Variants in IPO9 observed in about 807,000 individuals in gnomAD.
IPO9 encodes importin-9.
IPO9 carries 28 observed loss-of-function variants against 128.6 expected under a neutral mutation model. The ratio of observed to expected loss-of-function variants is 0.22; its 90% CI spans 0.16 to 0.30. The LOEUF (loss-of-function observed/expected upper bound fraction) is 0.30. IPO9 is among the 10% of genes least tolerant of loss of function. The pLI is 1.00. For synonymous variants in IPO9, 455 were observed against 475.8 expected (o/e 0.96, Z 0.57); for missense variants, 935 against 1,293.9 (o/e 0.72, Z 4.26).
chr1:201,866,827 T>C lies in IPO9; in HGVS notation c.1723T>C (p.Phe575Leu), dbSNP rs1558223667. 1 of 1,614,192 alleles carries C rather than the reference T, an allele frequency of 6.2e-7. No homozygotes were observed. The highest frequency in any genetic ancestry group is 8.5e-7 in the Non-Finnish European group (1 of 1,180,046). ...TGGCTTAATTCACCTAGCAGCCCAG[T>C]TCAGCTCAGAGGTCCTCAACCTGGT... is the stretch of plus-strand genomic sequence containing the variant. ...LDGLIHLAAQ[F>L]SSEVLNLVME... The change falls in exon 15 of 24, where the codon TTC (phenylalanine) becomes CTC (leucine). Residue 575 changes from phenylalanine (F) to leucine (L), a missense_variant. Phe to Leu is a conservative substitution (Grantham distance 22). Around this residue, in one of 3 missense-constraint regions of IPO9, gnomAD observed 741 missense variants for 1,019.1 expected, o/e 0.73. Coordinates refer to ENST00000361565, the MANE Select transcript of IPO9 (RefSeq NM_018085.5).
chr1:201,848,347 C>A, intron 3 of IPO9, 46 bp from the exon 4 acceptor site: 2 of 1,530,782 alleles, frequency 1.3e-6, no homozygotes, highest in South Asian at 1.1e-5. Context: ...CTCTGCCAGT[C>A]ACTTTTAACC....
intron 5 of IPO9, 21 bp downstream of exon 5, chr1:201,852,213 G>A (rs201694673): frequency 1.3e-6 from 2 of 1,499,042 alleles, no homozygotes; most frequent in East Asian, 2.3e-5. Context: ...TCAGCTCCAA[G>A]ATTATAGTGA....
At chr1:201,830,376 C>G (rs1282190517) in intron 1 of IPO9, among the ~76,000 whole-genome samples, 1 of 152,186 alleles carries the variant, frequency 6.6e-6, no homozygotes, top group African/African-American at 2.4e-5. Context: ...TCCTACTGGA[C>G]GTATTTCTAT....
chr1:201,858,458 A>G lies in IPO9; in HGVS notation c.1233A>G (p.Thr411=). 6.5e-7 allele frequency: 1 copy of G among 1,540,936 alleles called. No individual in the cohort carries two copies. Residue 411 remains threonine, a synonymous_variant, in exon 12 of 24, where the codon ACA becomes ACG. Transcript: ENST00000361565. ...AAQDLLLAVA[T]DFQNESAAAL... ...TTCTCTCTCTATAGGCTGTGGCCACAGATTTCCAGAATGAAAGTGCAGCAG... is the reference window on the plus strand; with the variant it reads ...TTCTCTCTCTATAGGCTGTGGCCACGGATTTCCAGAATGAAAGTGCAGCAG...
Position 201,873,360 on chromosome 1 carries a change from G to A in IPO9, c.2710+399G>A, listed in dbSNP as rs369395823. Among the ~76,000 whole-genome samples, 238 of 148,310 alleles carry A rather than the reference G, an allele frequency of 1.6e-3. 1 individual carries two copies. Among genetic ancestry groups the A allele is most frequent in the African/African-American group, 5.3e-3 (214 of 40,198 alleles). On this transcript the variant is annotated intron_variant, in intron 20 of 23. Transcript: ENST00000361565. ...CTTGGGAGGCTGAGGCAGGAGAATC[G>A]CTTGAACCTGGGAGGCAGAGGTTGC...
chr1:201,842,531 C>T (rs1680053049), intron 1 of IPO9, among the ~76,000 whole-genome samples: 1 of 152,118 alleles, frequency 6.6e-6, no homozygotes, highest in African/African-American at 2.4e-5. Flanking sequence ...CTAGGAGCTG[C>T]CAGCTATCAA....
chr1:201,852,233 C>A, intron 5 of IPO9, 41 bp downstream of exon 5: 1 of 1,287,610 alleles, frequency 7.8e-7, no homozygotes, highest in Non-Finnish European at 1.1e-6. Context: ...AGTTCAGGCT[C>A]TCTTCAGCCC....
rs756070125 is a variant in IPO9, at chr1:201,876,029, G to A, written c.3101G>A (p.Arg1034Gln). 87 of 1,612,338 alleles carry A rather than the reference G, an allele frequency of 5.4e-5. No homozygotes were observed. Among genetic ancestry groups the A allele is most frequent in the Admixed American group, 1.5e-4 (9 of 60,002 alleles). ...FSGHLNDNER[R>Q]VLQTIGI The stretch of plus-strand genomic sequence containing the variant: ...GGCCACCTTAATGACAATGAGAGGC[G>A]AGTTCTACAGACCATCGGCATCTAA... Residue 1034 changes from arginine to glutamine, a missense_variant, in exon 24 of 24, where the codon CGA becomes CAA. Arg to Gln is a conservative substitution (Grantham distance 43, BLOSUM62 1). Transcript: ENST00000361565.
At chr1:201,851,561 T>A (rs1680219453) in intron 4 of IPO9, among the ~76,000 whole-genome samples, 1 of 152,110 alleles carries the variant, frequency 6.6e-6, no homozygotes. Context: ...CACATTTATA[T>A]AGAAAATTCC....
chr1:201,874,816 T>C lies in IPO9; in HGVS notation c.2834-16T>C. On this transcript the variant is annotated splice_polypyrimidine_tract_variant and intron_variant, in intron 21 of 23. Transcript: ENST00000361565. ...TGAATGTGCTCTAGCTCTAGCTGCT[T>C]TTCATCTCCAAGTAGATGACTCCAA... 1 of 1,543,072 alleles carries C rather than the reference T, an allele frequency of 6.5e-7. No homozygotes were observed. The highest frequency in any genetic ancestry group is 9.0e-7 in the Non-Finnish European group (1 of 1,115,308).
chr1:201,868,016 A>G (rs967399490), intron 15 of IPO9, among the ~76,000 whole-genome samples: 4 of 152,166 alleles, frequency 2.6e-5, no homozygotes, highest in African/African-American at 7.2e-5. Context: ...ATTACAAACA[A>G]TGCTGCAGTG....
chr1:201,879,516 A>G lies in IPO9; in HGVS notation c.*3462A>G, dbSNP rs1333532572. 1 of 152,176 alleles carries G rather than the reference A, an allele frequency of 6.6e-6. No homozygotes were observed. Among genetic ancestry groups the G allele is most frequent in the African/African-American group, 2.4e-5 (1 of 41,446 alleles). The allele number at this position is 152,176 out of a possible 1,614,324, so 9.4% of individuals were successfully genotyped here. A position where few individuals can be genotyped will look rare whatever the true frequency, so the allele number is the denominator to read the frequency against. Reference sequence around the variant, plus strand: ...GAATTTGAAGCCATTTACACAAGAGATAGTACTAGTAAATTAGGAGTGCTG... The same window carrying G: ...GAATTTGAAGCCATTTACACAAGAGGTAGTACTAGTAAATTAGGAGTGCTG... On this transcript the variant is annotated 3_prime_UTR_variant, in exon 24 of 24. Coordinates refer to ENST00000361565, the MANE Select transcript of IPO9 (RefSeq NM_018085.5).
In IPO9 at chr1:201,857,102, G is replaced by C; in HGVS notation, c.1129G>C (p.Val377Leu). The C allele has an allele frequency of 6.2e-7, 1 of 1,600,138 alleles. No individual in the cohort carries two copies. Among genetic ancestry groups the C allele is most frequent in the South Asian group, 1.1e-5 (1 of 90,802 alleles). The change falls in exon 11 of 24, where the codon GTA becomes CTA. Residue 377 changes from valine (V) to leucine (L), a missense_variant. Val to Leu is a conservative substitution (Grantham distance 32). Transcript: ENST00000361565. ...YMQITEEQIKVWTANPQQFVE... is the reference protein window; with the variant it reads ...YMQITEEQIKLWTANPQQFVE... ...CATAACTTGATCTTTTCAGATTAAAGTATGGACAGCCAACCCCCAACAATT... is the reference window on the plus strand; with the variant it reads ...CATAACTTGATCTTTTCAGATTAAACTATGGACAGCCAACCCCCAACAATT...
Position 201,858,468 on chromosome 1 carries a change from A to C in IPO9, c.1243A>C (p.Asn415His), listed in dbSNP as rs773865277. The C allele has an allele frequency of 8.9e-6, 14 of 1,576,014 alleles. No individual in the cohort carries two copies. Among genetic ancestry groups the C allele is most frequent in the Non-Finnish European group, 1.2e-5 (14 of 1,166,154 alleles). ...ATAGGCTGTGGCCACAGATTTCCAG[A>C]ATGAAAGTGCAGCAGCCCTGGCTGC... ...LLLAVATDFQ[N>H]ESAAALAAAA... Residue 415 changes from asparagine to histidine, a missense_variant, in exon 12 of 24, where the codon AAT (asparagine) becomes CAT (histidine). Physicochemically the swap from Asn to His is moderately conservative, Grantham distance 68 (BLOSUM62 1). Coordinates refer to ENST00000361565, the MANE Select transcript of IPO9 (RefSeq NM_018085.5).
chr1:201,864,159 A>G (rs1489096389), intron 14 of IPO9, among the ~76,000 whole-genome samples: 1 of 152,168 alleles, frequency 6.6e-6, no homozygotes, highest in African/African-American at 2.4e-5. Flanking sequence ...AAACATCTCA[A>G]CTGAATCCTA....
At chr1:201,845,170 C>T (rs1680104434) in intron 1 of IPO9, among the ~76,000 whole-genome samples, 1 of 152,158 alleles carries the variant, frequency 6.6e-6, no homozygotes, top group South Asian at 2.1e-4. Context: ...GCATGTGCCA[C>T]CATATCCGGC....
In IPO9 at chr1:201,874,344, C is replaced by G. The variant is rs781311707; in HGVS notation, c.2805C>G (p.Arg935=). 6.2e-7 allele frequency: 1 copy of G among 1,614,094 alleles called. No individual in the cohort carries two copies. The part of the protein sequence containing the change: ...LSNVMEANAA[R]QATPAEWSQD... ...ACGTCATGGAGGCTAATGCCGCTCGCCAGGCCACTCCTGCAGAGTGGAGTC... is the reference window on the plus strand; with the variant it reads ...ACGTCATGGAGGCTAATGCCGCTCGGCAGGCCACTCCTGCAGAGTGGAGTC... The change falls in exon 21 of 24, where the codon CGC becomes CGG. Residue 935 remains arginine (R), a synonymous_variant. Coordinates refer to ENST00000361565, the MANE Select transcript of IPO9 (RefSeq NM_018085.5).
chr1:201,836,103 G>A (rs1420975139), intron 1 of IPO9, among the ~76,000 whole-genome samples: 2 of 101,346 alleles, frequency 2.0e-5, no homozygotes, highest in African/African-American at 8.0e-5. Context: ...CTGGGTGACA[G>A]AGCAAGACTC....
chr1:201,852,914 A>G, intron 5 of IPO9, 97 bp from the exon 6 acceptor site: 1 of 913,964 alleles, frequency 1.1e-6, no homozygotes, highest in East Asian at 2.4e-5. Flanking sequence ...TCATGTGAGG[A>G]TTCATTAGTC....
Sources: allele counts gnomAD v4.1 joint callset (sites outside exome capture counted in the v4.1 genomes callset), GRCh38; gene constraint gnomAD v4.1.1; regional missense constraint gnomAD v4.1.1; transcripts MANE v1.5; gene names NCBI Gene and HGNC (gene_info 2026-07-23, HGNC 2026-07-21).